PDCD6IP: variants seen among roughly 807,000 people sequenced by gnomAD.
PDCD6IP encodes programmed cell death 6-interacting protein.
PDCD6IP carries 43 observed loss-of-function variants against 103.7 expected under a neutral mutation model. The observed-to-expected ratio is 0.41, with a 90% CI of 0.32 to 0.53. PDCD6IP has a LOEUF of 0.53. Among genes scored for constraint, PDCD6IP ranks in the 20% least tolerant of loss-of-function variants. The probability of loss-of-function intolerance (pLI) is 0.16; values close to 1 mark genes in which losing one functional copy is unlikely to be tolerated. For missense variants in PDCD6IP, 871 were observed against 1,036.7 expected, an observed-to-expected ratio of 0.84 and a Z score of 2.20; for synonymous variants, 354 against 378.7, an observed-to-expected ratio of 0.93 and a Z score of 0.76.
At chr3:33,835,390 G>A (rs1697324362) in intron 7 of PDCD6IP, 1 of 440,806 alleles carries the variant, frequency 2.3e-6, no homozygotes, top group Non-Finnish European at 4.6e-6. Context: ...CCTTTAATAA[G>A]TTTTAATTGC....
At position 33,852,575 on chromosome 3, in the gene PDCD6IP, A is replaced by G; in HGVS notation, c.1729A>G (p.Asn577Asp). The change falls in exon 13 of 18, where the codon AAT (asparagine) becomes GAT (aspartate). Residue 577 changes from asparagine to aspartate, a missense_variant. Asn to Asp is a conservative substitution (Grantham distance 23). This residue lies in a region of PDCD6IP where 266 missense variants were observed against 390.5 expected (regional missense o/e 0.68). Transcript: ENST00000307296. Reference protein sequence around the residue: ...EGLENDLKSVNFDMTSKFLTA... With the variant: ...EGLENDLKSVDFDMTSKFLTA... ...TCTGGAGAATGACTTGAAATCTGTG[A>G]ATTTTGACATGACAAGCAAGTTTTT... The G allele has an allele frequency of 1.9e-6, 3 of 1,589,942 alleles. No individual in the cohort carries two copies. The highest frequency in any genetic ancestry group is 2.6e-6 in the Non-Finnish European group (3 of 1,173,060).
intron 12 of PDCD6IP, among the ~76,000 whole-genome samples, chr3:33,846,308 T>C (rs2125569036): frequency 6.6e-6 from 1 of 152,348 alleles, no homozygotes; most frequent in South Asian, 2.1e-4. Context: ...TATTTGTCTT[T>C]CCATAGAAGC....
At chr3:33,825,458 T>C in intron 5 of PDCD6IP, 118 bp downstream of exon 5, 1 of 838,570 alleles carries the variant, frequency 1.2e-6, no homozygotes, top group Non-Finnish European at 1.8e-6. Flanking sequence ...ACTTGATACA[T>C]GAATTATGGA....
At chr3:33,844,024 C>G in intron 10 of PDCD6IP, 88 bp from the exon 11 acceptor site, 1 of 806,604 alleles carries the variant, frequency 1.2e-6, no homozygotes, top group Non-Finnish European at 2.0e-6. Context: ...CAAATTCTCA[C>G]TTATATTGTG....
rs1696650407 is a variant in PDCD6IP, at chr3:33,808,648, G to A, written c.210-3424G>A. On this transcript the variant is annotated intron_variant, in intron 1 of 17. Transcript: ENST00000307296. ...TCCGTGCTAGCATCATCTCTTGACT[G>A]GATTACTACGGTAGCTTCCTAACTG... Among the ~76,000 whole-genome samples the A allele has an allele frequency of 2.6e-5, 4 of 152,120 alleles. No homozygotes were observed. In the South Asian group the frequency reaches 8.3e-4, roughly 31 times the overall value.
At chr3:33,832,214 C>G (rs1697258609) in intron 7 of PDCD6IP, among the ~76,000 whole-genome samples, 1 of 152,142 alleles carries the variant, frequency 6.6e-6, no homozygotes, top group Admixed American at 6.5e-5. Context: ...GGCCTTCTCT[C>G]TGTGTCCTCA....
chr3:33,852,800 A>G lies in PDCD6IP; in HGVS notation c.1890+64A>G. ...ATTACAGAAAAGATATGTCTGGACTAAACCTATATTCAGTTAGGAAAATGA... is the reference window on the plus strand; with the variant it reads ...ATTACAGAAAAGATATGTCTGGACTGAACCTATATTCAGTTAGGAAAATGA... On this transcript the variant is annotated intron_variant, in intron 13 of 17. Coordinates refer to ENST00000307296, the MANE Select transcript of PDCD6IP (RefSeq NM_013374.6). 2.0e-6 allele frequency: 3 copies of G among 1,489,858 alleles called. No homozygotes were observed. In the South Asian group the frequency reaches 4.3e-5, roughly 22 times the overall value. The allele number at this position is 1,489,858 out of a possible 1,614,324, so 92.3% of individuals were successfully genotyped here. A position where few individuals can be genotyped will look rare whatever the true frequency, so the allele number is the denominator to read the frequency against.
chr3:33,859,458 T>C (rs957914111), intron 15 of PDCD6IP, among the ~76,000 whole-genome samples: 7 of 151,690 alleles, frequency 4.6e-5, no homozygotes, highest in African/African-American at 1.7e-4. Context: ...AAAAGGCTAA[T>C]TTACTTTATT....
rs1697091295 is a variant in PDCD6IP, at chr3:33,825,213, T to C, written c.489T>C (p.Ile163=). The change falls in exon 5 of 18, where the codon ATT becomes ATC. Residue 163 remains isoleucine (I), a synonymous_variant. Transcript: ENST00000307296. ...YQFASGAFLH[I]KETVLSALSR... ...TTGCTAGTGGTGCCTTTTTACATAT[T>C]AAAGAGACGGTTTTATCTGCCTTAA... 1 of 1,612,036 alleles carries C rather than the reference T, an allele frequency of 6.2e-7. No homozygotes were observed. Among genetic ancestry groups the C allele is most frequent in the Admixed American group, 1.7e-5 (1 of 59,410 alleles).
intron 15 of PDCD6IP, among the ~76,000 whole-genome samples, chr3:33,861,132 A>G (rs1452003633): frequency 6.7e-6 from 1 of 149,988 alleles, no homozygotes; most frequent in African/African-American, 2.5e-5. Flanking sequence ...ACTAAGTCTT[A>G]GAAATCTAAT....
At chr3:33,806,611 A>G (rs1054206160) in intron 1 of PDCD6IP, among the ~76,000 whole-genome samples, 2 of 152,198 alleles carry the variant, frequency 1.3e-5, no homozygotes, top group South Asian at 2.1e-4. Flanking sequence ...CCCTGTGCCT[A>G]CTTATACAAA....
chr3:33,854,129 T>C, intron 14 of PDCD6IP, 116 bp downstream of exon 14: 1 of 1,157,510 alleles, frequency 8.6e-7, no homozygotes, highest in Non-Finnish European at 1.2e-6. Flanking sequence ...GAATTTTAGC[T>C]TTAATGCCAT....
At chr3:33,805,105 CCAG>C (rs1409536056) in intron 1 of PDCD6IP, among the ~76,000 whole-genome samples, 1 of 152,090 alleles carries the variant, frequency 6.6e-6, no homozygotes, top group Non-Finnish European at 1.5e-5. Flanking sequence ...GCCTGTAATC[CCAG>C]CACTTTGGGA....
intron 1 of PDCD6IP, among the ~76,000 whole-genome samples, chr3:33,809,095 A>G (rs1696660894): frequency 6.6e-6 from 1 of 152,208 alleles, no homozygotes; most frequent in Non-Finnish European, 1.5e-5. Flanking sequence ...ATTTAAAACG[A>G]CAACCTTCTT....
intron 1 of PDCD6IP, among the ~76,000 whole-genome samples, chr3:33,805,514 A>G (rs1696574596): frequency 6.6e-6 from 1 of 151,998 alleles, no homozygotes; most frequent in Non-Finnish European, 1.5e-5. Flanking sequence ...AGCCTACTGC[A>G]GCCTCGATCT....
intron 10 of PDCD6IP, 102 bp from the exon 11 acceptor site, chr3:33,844,010 T>A (rs1697533402): frequency 1.5e-6 from 1 of 670,688 alleles, no homozygotes; most frequent in Admixed American, 3.4e-5. Context: ...TATTCCCATC[T>A]CACCAAATTC....
intron 17 of PDCD6IP, among the ~76,000 whole-genome samples, 173 bp downstream of exon 17, chr3:33,865,603 A>G (rs1445927077): frequency 6.6e-6 from 1 of 152,234 alleles, no homozygotes; most frequent in African/African-American, 2.4e-5. Flanking sequence ...CATGAATAGG[A>G]TAGCTATTTC....
In PDCD6IP at chr3:33,868,282, G is replaced by A. The variant is rs1004016326; in HGVS notation, c.*1757G>A. 2 of 152,140 alleles carry A rather than the reference G, an allele frequency of 1.3e-5. No individual in the cohort carries two copies. Among genetic ancestry groups the A allele is most frequent in the African/African-American group, 4.8e-5 (2 of 41,434 alleles). The allele number at this position is 152,140 out of a possible 1,614,324, so 9.4% of individuals were successfully genotyped here. On this transcript the variant is annotated 3_prime_UTR_variant, in exon 18 of 18. Transcript: ENST00000307296. ...GTATTACAAGTTGCTAGTTTATAATGTCTTACTAATGCAGAAACAAGGAAA... is the reference window on the plus strand; with the variant it reads ...GTATTACAAGTTGCTAGTTTATAATATCTTACTAATGCAGAAACAAGGAAA...
At chr3:33,814,201 G>A (rs1696780816) in intron 3 of PDCD6IP, among the ~76,000 whole-genome samples, 1 of 149,838 alleles carries the variant, frequency 6.7e-6, no homozygotes, top group African/African-American at 2.5e-5. Context: ...ATGGAGTGCA[G>A]TGGCACGATC....
Sources: allele counts gnomAD v4.1 joint callset (sites outside exome capture counted in the v4.1 genomes callset), GRCh38; gene constraint gnomAD v4.1.1; regional missense constraint gnomAD v4.1.1; transcripts MANE v1.5; gene names NCBI Gene and HGNC (gene_info 2026-07-23, HGNC 2026-07-21).